SV2B: variants seen among roughly 807,000 people sequenced by gnomAD.
SV2B encodes synaptic vesicle glycoprotein 2B, also known as solute carrier family 22 member B2.
A neutral mutation model predicts 73.9 loss-of-function variants in SV2B; 41 were observed. The ratio of observed to expected loss-of-function variants is 0.56; its 90% CI spans 0.43 to 0.72. The LOEUF (loss-of-function observed/expected upper bound fraction) is 0.72, where lower values mean the gene tolerates loss of function less well. Among genes scored for constraint, SV2B ranks in the 30% least tolerant of loss-of-function variants. The pLI, the probability that SV2B is intolerant of heterozygous loss-of-function variation, is 0.00. For missense variants in SV2B, 764 were observed against 857.8 expected, an observed-to-expected ratio of 0.89 and a Z score of 1.37; for synonymous variants, 314 against 314.2, an observed-to-expected ratio of 1.00 and a Z score of 0.01.
Position 91,214,674 on chromosome 15 carries a change from G to A in SV2B, c.-391-11199G>A, listed in dbSNP as rs1052534185. 1.4e-4 allele frequency among the ~76,000 whole-genome samples: 22 copies of A among 152,146 alleles called. No homozygotes were observed. The highest frequency in any genetic ancestry group is 6.2e-4 in the South Asian group (3 of 4,828). ...AAATATCATTAACAATTGTTTTCCCGATGAAATCAAAACGAAGTAGGATTG... is the reference window on the plus strand; with the variant it reads ...AAATATCATTAACAATTGTTTTCCCAATGAAATCAAAACGAAGTAGGATTG... On this transcript the variant is annotated intron_variant, in intron 1 of 12. Transcript: ENST00000394232. This position sits in a 1 kb window ranked among gnomAD's most constrained non-coding sequence, Gnocchi z 4.7.
rs549673343 is a variant in SV2B at position 91,237,783 on chromosome 15, G to T, written c.451+11069G>T. ...ACGATCCCCACATGGCTTCCTTCCT[G>T]TATTTGCGATGATGTTTGGAATATT... On this transcript the variant is annotated intron_variant, in intron 2 of 12. Transcript: ENST00000394232. Among the ~76,000 whole-genome samples the T allele has an allele frequency of 2.6e-5, 4 of 152,314 alleles. No individual in the cohort carries two copies. In the South Asian group the frequency reaches 6.2e-4, roughly 24 times the overall value.
intron 1 of SV2B, among the ~76,000 whole-genome samples, chr15:91,203,938 G>A (rs959823016): frequency 5.9e-5 from 9 of 152,266 alleles, no homozygotes; most frequent in Non-Finnish European, 8.8e-5. Flanking sequence ...GCTTAAATAG[G>A]AAACCTTCTT....
intron 1 of SV2B, among the ~76,000 whole-genome samples, chr15:91,162,834 A>ATATG (rs2141253590): frequency 6.6e-6 from 1 of 152,252 alleles, no homozygotes; most frequent in South Asian, 2.1e-4. Flanking sequence ...GGTTTGTTAC[A>ATATG]TATGTATACA....
rs934890904 is a variant in SV2B at position 91,265,009 on chromosome 15, A to G, written c.1009-1573A>G. Among the ~76,000 whole-genome samples, 2 of 152,360 alleles carry G rather than the reference A, an allele frequency of 1.3e-5. No individual in the cohort carries two copies. The highest frequency in any genetic ancestry group is 2.1e-4 in the South Asian group (1 of 4,824). The stretch of plus-strand genomic sequence containing the variant: ...GTAGAAGTAAATGGCTGGATGGGCC[A>G]GAAAAAGAAATGAAAAAAGAGAGAC... On this transcript the variant is annotated intron_variant, in intron 6 of 12. Transcript: ENST00000394232. This position sits in a 1 kb window ranked among gnomAD's most constrained non-coding sequence, Gnocchi z 4.2.
In SV2B at chr15:91,296,431, TGATCATGGGAGCACACTCCTTCTGCCC is replaced by T; in HGVS notation, c.*3886_*3912del. 1 of 152,340 alleles carries T rather than the reference TGATCATGGGAGCACACTCCTTCTGCCC, an allele frequency of 6.6e-6. No individual in the cohort carries two copies. 9.4% of individuals were successfully genotyped at this position (152,340 alleles called of 1,614,324 possible). The stretch of plus-strand genomic sequence containing the variant: ...AAGCCAGGGCTGGAGTGGCTGCCTT[TGATCATGGGAGCACACTCCTTCTGCCC>T]GATCATTGGGAGCACACTCCTTCTG... On this transcript the variant is annotated 3_prime_UTR_variant, in exon 13 of 13. Transcript: ENST00000394232.
rs117361551 is a variant in SV2B at position 91,284,041 on chromosome 15, A to G, written c.1528A>G (p.Ile510Val). 20,834 of 1,614,182 alleles carry G rather than the reference A, an allele frequency of 0.013. 203 individuals carry two copies. Among genetic ancestry groups the G allele is most frequent in the South Asian group, 0.028 (2,571 of 91,086 alleles). The change falls in exon 11 of 13, where the codon ATC becomes GTC. Residue 510 changes from isoleucine (I) to valine (V), a missense_variant. By Grantham distance (29) the Ile-to-Val change is conservative. Coordinates refer to ENST00000394232, the MANE Select transcript of SV2B (RefSeq NM_001323032.3). The surrounding 1 kb of genome is among the most constrained non-coding windows in gnomAD (Gnocchi z 4.5). ...CCCAGACCTCTACGAGCACAAGTTC[A>G]TCAACTGTCGGTTTATCAACTCCAC... Reference protein sequence around the residue: ...YNTDLYEHKFINCRFINSTFL... With the variant: ...YNTDLYEHKFVNCRFINSTFL...
At position 91,280,383 on chromosome 15, in the gene SV2B, C is replaced by T. The variant is rs1247359272; in HGVS notation, c.1374-1345C>T. ...TGTATTGTAGTTGCCTATTTGCTTG[C>T]ACTTTTTTCCAATTAGACTGGAGAG... is the stretch of plus-strand genomic sequence containing the variant. On this transcript the variant is annotated intron_variant, in intron 9 of 12. Transcript: ENST00000394232. The surrounding 1 kb of genome is among the most constrained non-coding windows in gnomAD (Gnocchi z 5.8). Among the ~76,000 whole-genome samples the T allele has an allele frequency of 6.6e-6, 1 of 152,212 alleles. No homozygotes were observed. The highest frequency in any genetic ancestry group is 1.5e-5 in the Non-Finnish European group (1 of 68,032).
chr15:91,291,558 G>C (rs1352972707), intron 12 of SV2B, among the ~76,000 whole-genome samples: 1 of 152,220 alleles, frequency 6.6e-6, no homozygotes, highest in Non-Finnish European at 1.5e-5. Flanking sequence ...TGGAAAGTGT[G>C]ATTGAAAGAT....
At chr15:91,114,826 C>G (rs575179934) in intron 1 of SV2B, among the ~76,000 whole-genome samples, 1 of 152,302 alleles carries the variant, frequency 6.6e-6, no homozygotes, top group Admixed American at 6.5e-5. Context: ...ATGCTGTGTT[C>G]TCGGGAAGTT....
chr15:91,242,693 G>A lies in SV2B; in HGVS notation c.452-9126G>A, dbSNP rs2141570367. Among the ~76,000 whole-genome samples, 1 of 152,280 alleles carries A rather than the reference G, an allele frequency of 6.6e-6. No homozygotes were observed. Among genetic ancestry groups the A allele is most frequent in the South Asian group, 2.1e-4 (1 of 4,820 alleles). On this transcript the variant is annotated intron_variant, in intron 2 of 12. Transcript: ENST00000394232. This position sits in a 1 kb window ranked among gnomAD's most constrained non-coding sequence, Gnocchi z 4.9. ...TTAATACTTGATAAAAGGGTGAATA[G>A]CAGAATAAGAGTAACCGTCATAGGA...
chr15:91,272,915 C>G (rs1049132840), intron 9 of SV2B, among the ~76,000 whole-genome samples: 2 of 145,042 alleles, frequency 1.4e-5, no homozygotes, highest in African/African-American at 2.5e-5. Context: ...TCACTACAGT[C>G]TCCGCCTCCC....
chr15:91,260,187 G>T, intron 5 of SV2B, 133 bp from the exon 6 acceptor site: 1 of 697,186 alleles, frequency 1.4e-6, no homozygotes. Context: ...ATGAGTCCAT[G>T]TGCAATTGCC....
intron 1 of SV2B, among the ~76,000 whole-genome samples, chr15:91,174,921 A>G (rs2044247918): frequency 6.6e-6 from 1 of 152,152 alleles, no homozygotes; most frequent in African/African-American, 2.4e-5. Flanking sequence ...GGAGACTTCT[A>G]TTCTGAGGGT....
chr15:91,184,752 T>C (rs2141328937), intron 1 of SV2B, among the ~76,000 whole-genome samples: 1 of 152,338 alleles, frequency 6.6e-6, no homozygotes, highest in South Asian at 2.1e-4. Flanking sequence ...TTCACCACTT[T>C]ATTCAGAATT....
At position 91,241,867 on chromosome 15, in the gene SV2B, A is replaced by C. The variant is rs1200600924; in HGVS notation, c.452-9952A>C. ...CACATTTCTTCAGTCTTGATCCCAC[A>C]CACATCTTTTCTATTCCCTTTCCAG... On this transcript the variant is annotated intron_variant, in intron 2 of 12. Transcript: ENST00000394232. This position sits in a 1 kb window ranked among gnomAD's most constrained non-coding sequence, Gnocchi z 4.8. Among the ~76,000 whole-genome samples the C allele has an allele frequency of 6.6e-6, 1 of 152,118 alleles. No homozygotes were observed. The highest frequency in any genetic ancestry group is 1.5e-5 in the Non-Finnish European group (1 of 68,020).
At chr15:91,238,756 G>T (rs576455954) in intron 2 of SV2B, among the ~76,000 whole-genome samples, 1 of 152,322 alleles carries the variant, frequency 6.6e-6, no homozygotes, top group African/African-American at 2.4e-5. Context: ...AGAATAGGCT[G>T]CCAGAGAGCT....
chr15:91,164,866 G>GT (rs945745193), intron 1 of SV2B, among the ~76,000 whole-genome samples: 1 of 152,218 alleles, frequency 6.6e-6, no homozygotes, highest in South Asian at 2.1e-4. Context: ...GCTGTTAAAA[G>GT]TGGTTATTTC....
At position 91,288,549 on chromosome 15, in the gene SV2B, G is replaced by C. The variant is rs1055647161; in HGVS notation, c.1709-972G>C. On this transcript the variant is annotated intron_variant, in intron 11 of 12. Coordinates refer to ENST00000394232, the MANE Select transcript of SV2B (RefSeq NM_001323032.3). This position sits in a 1 kb window ranked among gnomAD's most constrained non-coding sequence, Gnocchi z 5.8. ...TGGTTTACCCCATGGACTGTATCTA[G>C]CATCCTGCCTTCCAGGTTCATCCAT... Among the ~76,000 whole-genome samples the C allele has an allele frequency of 6.6e-6, 1 of 152,142 alleles. No homozygotes were observed. Among genetic ancestry groups the C allele is most frequent in the African/African-American group, 2.4e-5 (1 of 41,430 alleles).
At chr15:91,155,716 A>T (rs1386660460) in intron 1 of SV2B, among the ~76,000 whole-genome samples, 1 of 152,158 alleles carries the variant, frequency 6.6e-6, no homozygotes, top group East Asian at 1.9e-4. Context: ...AAGAAAAAAA[A>T]CTGGTGAGTC....
Sources: gnomAD v4.1 joint callset for allele counts (sites outside exome capture counted in the v4.1 genomes callset) on GRCh38, gnomAD v4.1.1 for gene constraint, Gnocchi (gnomAD v3.1) non-coding constraint, MANE v1.5 for transcripts, NCBI Gene and HGNC (gene_info 2026-07-23, HGNC 2026-07-21) for gene names.